GUSB: variants seen among roughly 807,000 people sequenced by gnomAD.
GUSB encodes the protein glucuronidase beta, also known as beta-glucuronidase.
GUSB carries 51 observed loss-of-function variants against 74.6 expected under a neutral mutation model. The ratio of observed to expected loss-of-function variants is 0.68; its 90% CI spans 0.55 to 0.86. The LOEUF is 0.86. Among genes scored for constraint, GUSB ranks in the 40% least tolerant of loss-of-function variants. The probability of loss-of-function intolerance (pLI) is 0.00; values close to 1 mark genes in which losing one functional copy is unlikely to be tolerated. For missense variants in GUSB, 736 were observed against 853.7 expected (o/e 0.86, Z 1.72); for synonymous variants, 360 against 348.3 (o/e 1.03, Z -0.37).
chr7:65,975,873 G>T, intron 5 of GUSB, 142 bp downstream of exon 5: 6 of 620,920 alleles, frequency 9.7e-6, no homozygotes, highest in African/African-American at 3.7e-5. Context: ...AAAAGAAAAT[G>T]GGCCTCCCAC....
chr7:65,979,219 C>T (rs1438112236), intron 4 of GUSB, among the ~76,000 whole-genome samples, 180 bp downstream of exon 4: 2 of 152,120 alleles, frequency 1.3e-5, no homozygotes, highest in African/African-American at 2.4e-5. Context: ...GTCAACCACA[C>T]GGGTGATTTT....
At chr7:65,977,554 T>G (rs1461708176) in intron 4 of GUSB, among the ~76,000 whole-genome samples, 1 of 151,876 alleles carries the variant, frequency 6.6e-6, no homozygotes, top group African/African-American at 2.4e-5. Context: ...TTATTTTATT[T>G]TATTTATTTA....
At chr7:65,963,751 G>C (rs1165662384) in intron 11 of GUSB, among the ~76,000 whole-genome samples, 2 of 152,108 alleles carry the variant, frequency 1.3e-5, no homozygotes, top group Non-Finnish European at 2.9e-5. Context: ...TTGCTATGCT[G>C]AACAGGCTGG....
At chr7:65,979,257 G>C (rs765299027) in intron 4 of GUSB, 142 bp downstream of exon 4, 392 of 924,382 alleles carry the variant, frequency 4.2e-4, no homozygotes, top group Non-Finnish European at 6.4e-4. Flanking sequence ...CACACAGGCT[G>C]AATTTTAGCT....
At chr7:65,965,092 A>ATAT (rs548280038) in intron 10 of GUSB, among the ~76,000 whole-genome samples, 15,836 of 150,418 alleles carry the variant, frequency 0.11, 965 homozygotes, top group Middle Eastern at 0.2. Flanking sequence ...TATATATATA[A>ATAT]AAATTAAATT....
In GUSB at chr7:65,974,392, C is replaced by T. The variant is rs1002438938; in HGVS notation, c.1294G>A (p.Glu432Lys). 2 of 1,614,204 alleles carry T rather than the reference C, an allele frequency of 1.2e-6. No homozygotes were observed. The highest frequency in any genetic ancestry group is 2.2e-5 in the South Asian group (2 of 91,080). Residue 432 changes from glutamate to lysine, a missense_variant, in exon 8 of 12, where the codon GAA becomes AAA. Glu to Lys is a moderately conservative substitution (Grantham distance 56). Transcript: ENST00000304895. ...SLHHHMQVME[E>K]VVRRDKNHPA... ...TGGTTCTTGTCCCTACGCACCACTT[C>T]TTCCATCACCTGCATGTGGTGATGC... is the stretch of plus-strand genomic sequence containing the variant.
chr7:65,961,934 AGAGGT>A (rs1562667500), intron 11 of GUSB, among the ~76,000 whole-genome samples: 2 of 152,008 alleles, frequency 1.3e-5, no homozygotes, highest in African/African-American at 4.8e-5. Flanking sequence ...CCCAGGACGC[AGAGGT>A]TGCAGTGAGC....
chr7:65,975,688 A>C (rs1583926497), intron 5 of GUSB: 2 of 248,786 alleles, frequency 8.0e-6, no homozygotes, highest in East Asian at 2.0e-4. Context: ...CCCAGGCTAC[A>C]AAATTTTTTT....
chr7:65,968,350 A>G (rs576643087), intron 9 of GUSB, among the ~76,000 whole-genome samples: 3 of 152,270 alleles, frequency 2.0e-5, no homozygotes, highest in East Asian at 3.9e-4. Flanking sequence ...CATGGTCACA[A>G]AGTGGCCCAG....
Position 65,979,242 on chromosome 7 carries a change from C to A in GUSB, c.724+157G>T, listed in dbSNP as rs925691010. On this transcript the variant is annotated intron_variant, in intron 4 of 11. Coordinates refer to ENST00000304895, the MANE Select transcript of GUSB (RefSeq NM_000181.4). ...CACGGGTGATTTTGGGAGCCCGTAT[C>A]CGCTCACACAGGCTGAATTTTAGCT... is the stretch of plus-strand genomic sequence containing the variant. 1.8e-5 allele frequency: 15 copies of A among 825,850 alleles called. No homozygotes were observed. In the African/African-American group the frequency reaches 2.2e-4, roughly 12 times the overall value. 51.2% of individuals were successfully genotyped at this position (825,850 alleles called of 1,614,324 possible).
intron 8 of GUSB, among the ~76,000 whole-genome samples, chr7:65,972,537 T>C (rs1791284339): frequency 6.6e-6 from 1 of 152,120 alleles, no homozygotes. Context: ...TCCCCCATCA[T>C]TGCTCTGCCT....
chr7:65,962,969 A>G (rs949398763), intron 11 of GUSB, among the ~76,000 whole-genome samples: 97 of 151,956 alleles, frequency 6.4e-4, no homozygotes, highest in African/African-American at 2.2e-3. Context: ...ACAGATTCTC[A>G]TGCCTCAGTC....
At chr7:65,972,431 T>C (rs1240967359) in intron 8 of GUSB, among the ~76,000 whole-genome samples, 1 of 152,240 alleles carries the variant, frequency 6.6e-6, no homozygotes, top group African/African-American at 2.4e-5. Flanking sequence ...CCCAAAGTGC[T>C]GGGATTACAG....
In GUSB at chr7:65,979,468, G is replaced by A. The variant is rs964772974; in HGVS notation, c.655C>T (p.Leu219Phe). Residue 219 changes from leucine to phenylalanine, a missense_variant, in exon 4 of 12, where the codon CTT becomes TTT. By Grantham distance (22) the Leu-to-Phe change is conservative. Around this residue, in one of 2 missense-constraint regions of GUSB, gnomAD observed 368 missense variants for 363.8 expected, o/e 1.01. Transcript: ENST00000304895. ...TAGGTGGTGGGTGTCGTGTACAGAA[G>A]TACAGACCGCTGCAGTCCAGCGTAG... ...FNYAGLQRSVLLYTTPTTYID... is the reference protein window; with the variant it reads ...FNYAGLQRSVFLYTTPTTYID... The A allele has an allele frequency of 5.0e-6, 8 of 1,613,816 alleles. No individual in the cohort carries two copies. The highest frequency in any genetic ancestry group is 6.8e-6 in the Non-Finnish European group (8 of 1,179,806).
Position 65,976,216 on chromosome 7 carries a change from G to T in GUSB, c.725-14C>A. 1 of 1,601,364 alleles carries T rather than the reference G, an allele frequency of 6.2e-7. No homozygotes were observed. Among genetic ancestry groups the T allele is most frequent in the Non-Finnish European group, 8.5e-7 (1 of 1,171,536 alleles). ...AATTCACCAGCCCTGCAAGAAACAA[G>T]AGAGACCAGGGCTGAGGGAGGGACA... On this transcript the variant is annotated splice_polypyrimidine_tract_variant and intron_variant, in intron 4 of 11. Coordinates refer to ENST00000304895, the MANE Select transcript of GUSB (RefSeq NM_000181.4).
intron 11 of GUSB, 119 bp from the exon 12 acceptor site, chr7:65,961,182 C>G: frequency 9.8e-7 from 1 of 1,016,802 alleles, no homozygotes; most frequent in Non-Finnish European, 1.5e-6. Context: ...CTTTTTTCTC[C>G]CTGTTGCCCA....
chr7:65,977,699 T>C (rs918674231), intron 4 of GUSB, among the ~76,000 whole-genome samples: 1 of 151,836 alleles, frequency 6.6e-6, no homozygotes, highest in Middle Eastern at 3.2e-3. Flanking sequence ...CTAAATTCTT[T>C]TAAACTTAGA....
chr7:65,978,964 A>G (rs1185223), intron 4 of GUSB, among the ~76,000 whole-genome samples: 152,033 of 152,136 alleles, frequency 1, 75,965 homozygotes, highest in Middle Eastern at 1. Context: ...TGATGGCCTC[A>G]CTATGTTGCC....
In GUSB at chr7:65,974,311, C is replaced by G; in HGVS notation, c.1375G>C (p.Ala459Pro). 1 of 1,614,106 alleles carries G rather than the reference C, an allele frequency of 6.2e-7. No individual in the cohort carries two copies. Among genetic ancestry groups the G allele is most frequent in the African/African-American group, 1.3e-5 (1 of 75,022 alleles). ...AGCACTCACTTCAAGTAGTAGCCAG[C>G]AGATTCTAGGTGGGACGCAGGCTCG... is the stretch of plus-strand genomic sequence containing the variant. ...ANEPASHLES[A>P]GYYLKMVIAH... Residue 459 changes from alanine to proline, a missense_variant, in exon 8 of 12, where the codon GCT (alanine) becomes CCT (proline). By Grantham distance (27) the Ala-to-Pro change is conservative. This residue lies in a region of GUSB where 368 missense variants were observed against 489.9 expected (regional missense o/e 0.75). Coordinates refer to ENST00000304895, the MANE Select transcript of GUSB (RefSeq NM_000181.4).
Sources: allele counts gnomAD v4.1 joint callset (sites outside exome capture counted in the v4.1 genomes callset), GRCh38; gene constraint gnomAD v4.1.1; regional missense constraint gnomAD v4.1.1; transcripts MANE v1.5; gene names NCBI Gene and HGNC (gene_info 2026-07-23, HGNC 2026-07-21).